ADAM10: variants seen among roughly 807,000 people sequenced by gnomAD.
ADAM10 encodes ADAM metallopeptidase domain 10, also known as disintegrin and metalloproteinase domain-containing protein 10.
A neutral mutation model predicts 90.1 loss-of-function variants in ADAM10; 17 were observed. The ratio of observed to expected loss-of-function variants is 0.19; its 90% CI spans 0.13 to 0.28. ADAM10 has a LOEUF of 0.28. Ranked by LOEUF, ADAM10 falls within the 10% of genes least tolerant of loss-of-function variation. The pLI, the probability that ADAM10 is intolerant of heterozygous loss-of-function variation, is 1.00. For missense variants in ADAM10, 610 were observed against 914.3 expected, an observed-to-expected ratio of 0.67 and a Z score of 4.29; for synonymous variants, 310 against 298.6, an observed-to-expected ratio of 1.04 and a Z score of -0.40.
chr15:58,641,024 G>A, intron 7 of ADAM10, 64 bp from the exon 8 acceptor site: 1 of 1,446,294 alleles, frequency 6.9e-7, no homozygotes. Context: ...GTGAATGTCT[G>A]CTCACCTTCT....
chr15:58,615,146 C>G (rs565515886), intron 11 of ADAM10, among the ~76,000 whole-genome samples: 2 of 151,760 alleles, frequency 1.3e-5, no homozygotes, highest in East Asian at 3.9e-4. Context: ...TGGTGGCAGG[C>G]GCCTGTAGTC....
chr15:58,739,677 A>G (rs765846600), intron 1 of ADAM10, among the ~76,000 whole-genome samples: 1 of 152,234 alleles, frequency 6.6e-6, no homozygotes, highest in Non-Finnish European at 1.5e-5. Context: ...CCGTTATGCT[A>G]GATTAGAATA....
chr15:58,725,550 A>C (rs1416978817), intron 1 of ADAM10, among the ~76,000 whole-genome samples: 1 of 151,646 alleles, frequency 6.6e-6, no homozygotes, highest in Non-Finnish European at 1.5e-5. Context: ...ATAAAAATTA[A>C]AATTAAAAAT....
intron 14 of ADAM10, among the ~76,000 whole-genome samples, chr15:58,606,706 GCAGA>G (rs1436352899): frequency 2.0e-5 from 3 of 152,102 alleles, no homozygotes; most frequent in African/African-American, 7.2e-5. Context: ...GAAAAAAATG[GCAGA>G]CAAACTATTA....
rs558221508 is a variant in ADAM10 at position 58,651,389 on chromosome 15, A to C, written c.586-5185T>G. On this transcript the variant is annotated intron_variant, in intron 5 of 15. Transcript: ENST00000260408. ...GTTTTTGTGCCCGTTAACCATCCCC[A>C]CTTCCCCCACCACTGCTCTAATACT... Among the ~76,000 whole-genome samples, 121 of 152,044 alleles carry C rather than the reference A, an allele frequency of 8.0e-4. 1 individual carries two copies. Among genetic ancestry groups the C allele is most frequent in the South Asian group, 6.2e-3 (30 of 4,808 alleles).
At chr15:58,687,136 C>G (rs558627818) in intron 2 of ADAM10, among the ~76,000 whole-genome samples, 1 of 152,168 alleles carries the variant, frequency 6.6e-6, no homozygotes, top group African/African-American at 2.4e-5. Context: ...GAAGAATAGG[C>G]TTTACTAATC....
intron 1 of ADAM10, among the ~76,000 whole-genome samples, chr15:58,742,963 T>A (rs543438207): frequency 6.6e-6 from 1 of 151,994 alleles, no homozygotes; most frequent in Non-Finnish European, 1.5e-5. Flanking sequence ...GAGGCTGAGG[T>A]TGGAGAATTG....
chr15:58,745,574 T>C (rs1329750527), intron 1 of ADAM10, among the ~76,000 whole-genome samples: 1 of 152,178 alleles, frequency 6.6e-6, no homozygotes, highest in African/African-American at 2.4e-5. Context: ...GTGTATACCA[T>C]GTTCTTTTTA....
chr15:58,701,461 CTGT>C lies in ADAM10; in HGVS notation c.206+16113_206+16115del, dbSNP rs543839164. Among the ~76,000 whole-genome samples, 11 of 152,286 alleles carry C rather than the reference CTGT, an allele frequency of 7.2e-5. No individual in the cohort carries two copies. In the East Asian group the frequency reaches 2.1e-3, roughly 29 times the overall value. On this transcript the variant is annotated intron_variant, in intron 2 of 15. Coordinates refer to ENST00000260408, the MANE Select transcript of ADAM10 (RefSeq NM_001110.4). ...TATCATCTTACCGCAGTTAGAATGG[CTGT>C]TATTAAAAAGATAATAAATAACAAA...
chr15:58,598,557 T>G (rs367773648), intron 15 of ADAM10, among the ~76,000 whole-genome samples: 1 of 152,206 alleles, frequency 6.6e-6, no homozygotes, highest in Non-Finnish European at 1.5e-5. Flanking sequence ...TTTGAACTAC[T>G]TTGTATAAGG....
At chr15:58,729,784 G>A (rs1406959647) in intron 1 of ADAM10, among the ~76,000 whole-genome samples, 5 of 151,968 alleles carry the variant, frequency 3.3e-5, no homozygotes, top group Non-Finnish European at 7.4e-5. Context: ...CCAACATGGC[G>A]AAACACCGTC....
intron 12 of ADAM10, chr15:58,611,417 A>G: frequency 3.0e-6 from 1 of 337,994 alleles, no homozygotes. Flanking sequence ...TCTATAAAGA[A>G]AGAAAAATTA....
rs75418573 is a variant in ADAM10 at position 58,735,834 on chromosome 15, T to C, written c.55+13646A>G. On this transcript the variant is annotated intron_variant, in intron 1 of 15. Transcript: ENST00000260408. ...CTACCCAGCAAGTTGGTATCTGTTC[T>C]CTAAAATGATTACATATATATTTAT... Among the ~76,000 whole-genome samples, 9 of 152,332 alleles carry C rather than the reference T, an allele frequency of 5.9e-5. No individual in the cohort carries two copies. The East Asian group carries it at 1.3e-3, about 23-fold the overall frequency.
chr15:58,676,035 G>C (rs1278809467), intron 4 of ADAM10: 3 of 215,296 alleles, frequency 1.4e-5, no homozygotes, highest in Non-Finnish European at 2.9e-5. Flanking sequence ...CACATTAAAG[G>C]GCATCCTTTG....
Position 58,594,884 on chromosome 15 carries a change from C to T in ADAM10, c.*2663G>A, listed in dbSNP as rs1894910068. 6.6e-6 allele frequency: 1 copy of T among 152,076 alleles called. No individual in the cohort carries two copies. The highest frequency in any genetic ancestry group is 2.1e-4 in the South Asian group (1 of 4,828). 9.4% of individuals were successfully genotyped at this position (152,076 alleles called of 1,614,324 possible). A position where few individuals can be genotyped will look rare whatever the true frequency, so the allele number is the denominator to read the frequency against. On this transcript the variant is annotated 3_prime_UTR_variant, in exon 16 of 16. Transcript: ENST00000260408. ...ATATTTACTCATTTAACAAGTATTA[C>T]TTATAGCTAACCTTGACTAAAAAAA... is the stretch of plus-strand genomic sequence containing the variant.
At position 58,591,588 on chromosome 15, in the gene ADAM10, T is replaced by C. The variant is rs1174104327; in HGVS notation, c.*5959A>G. The stretch of plus-strand genomic sequence containing the variant: ...ACATTTTAAAACTTCTATGAAAAAT[T>C]TCAAATATAAACACAGGTAGAGAAA... On this transcript the variant is annotated 3_prime_UTR_variant, in exon 16 of 16. Transcript: ENST00000260408. 6.6e-6 allele frequency: 1 copy of C among 152,044 alleles called. No homozygotes were observed. The highest frequency in any genetic ancestry group is 2.4e-5 in the African/African-American group (1 of 41,386). 9.4% of individuals were successfully genotyped at this position (152,044 alleles called of 1,614,324 possible). A position where few individuals can be genotyped will look rare whatever the true frequency, so the allele number is the denominator to read the frequency against.
chr15:58,714,973 A>T (rs992184251), intron 2 of ADAM10, among the ~76,000 whole-genome samples: 4 of 152,206 alleles, frequency 2.6e-5, no homozygotes, highest in Non-Finnish European at 5.9e-5. Flanking sequence ...AAAGTATTTT[A>T]AAAGGTAATT....
chr15:58,639,509 G>A (rs1350596942), intron 8 of ADAM10, among the ~76,000 whole-genome samples: 1 of 152,202 alleles, frequency 6.6e-6, no homozygotes. Flanking sequence ...TTCAGAGTAT[G>A]AAAGTTTCGA....
At chr15:58,627,082 T>C (rs578225711) in intron 10 of ADAM10, among the ~76,000 whole-genome samples, 21 of 152,300 alleles carry the variant, frequency 1.4e-4, no homozygotes, top group African/African-American at 4.6e-4. Context: ...CTAGGACATA[T>C]TCATACAACG....
Sources: allele counts gnomAD v4.1 joint callset (sites outside exome capture counted in the v4.1 genomes callset), GRCh38; gene constraint gnomAD v4.1.1; transcripts MANE v1.5; gene names NCBI Gene and HGNC (gene_info 2026-07-23, HGNC 2026-07-21).